The following STK24 variants were observed in gnomAD, a reference collection of about 807,000 sequenced individuals.
STK24 encodes the protein serine/threonine kinase 24, also known as serine/threonine-protein kinase 24.
STK24 carries 21 observed loss-of-function variants against 55.6 expected under a neutral mutation model. The ratio of observed to expected loss-of-function variants is 0.38; its 90% CI spans 0.27 to 0.54. STK24 has a LOEUF of 0.54. Among genes scored for constraint, STK24 ranks in the 20% least tolerant of loss-of-function variants. The pLI is 0.79. For missense variants in STK24, 383 were observed against 538.4 expected (o/e 0.71, Z 2.86); for synonymous variants, 200 against 215.2 (o/e 0.93, Z 0.62).
chr13:98,470,950 T>C (rs1894120712), intron 5 of STK24, among the ~76,000 whole-genome samples: 1 of 152,244 alleles, frequency 6.6e-6, no homozygotes, highest in East Asian at 1.9e-4. Flanking sequence ...GATGCGATCA[T>C]TAGGAACACA....
chr13:98,471,456 T>C (rs891471787), intron 5 of STK24, among the ~76,000 whole-genome samples: 2 of 152,226 alleles, frequency 1.3e-5, no homozygotes, highest in African/African-American at 2.4e-5. Flanking sequence ...TTCTTCGCAG[T>C]GAGCAGAGGT....
At chr13:98,561,490 G>A (rs116414126) in intron 1 of STK24, among the ~76,000 whole-genome samples, 2,426 of 152,206 alleles carry the variant, frequency 0.016, 60 homozygotes, top group African/African-American at 0.054. Flanking sequence ...GCTGAGGCGC[G>A]AGAATCACTT....
intron 2 of STK24, among the ~76,000 whole-genome samples, chr13:98,509,159 G>A (rs1013855502): frequency 1.3e-5 from 2 of 152,114 alleles, no homozygotes; most frequent in Non-Finnish European, 2.9e-5. Context: ...AAACTTCCTA[G>A]GAGATATGAA....
chr13:98,512,353 A>G (rs1423906951), intron 2 of STK24, among the ~76,000 whole-genome samples: 1 of 152,146 alleles, frequency 6.6e-6, no homozygotes, highest in Non-Finnish European at 1.5e-5. Context: ...GAAAAACTCA[A>G]CTCTTACCTG....
intron 2 of STK24, among the ~76,000 whole-genome samples, chr13:98,490,606 G>A (rs973124166): frequency 6.6e-6 from 1 of 152,122 alleles, no homozygotes; most frequent in African/African-American, 2.4e-5. Context: ...AAGCTTCCAC[G>A]TGATGAATGT....
rs113956441 is a variant in STK24 at position 98,546,875 on chromosome 13, C to T, written c.43-27402G>A. On this transcript the variant is annotated intron_variant, in intron 1 of 10. Coordinates refer to ENST00000539966, the MANE Select transcript of STK24 (RefSeq NM_001032296.4). Reference sequence around the variant, plus strand: ...CTCTGAGGCCCTGAACATCTGTGTTCCCCCTTCCTTCCATATCTAATTGTT... The same window carrying T: ...CTCTGAGGCCCTGAACATCTGTGTTTCCCCTTCCTTCCATATCTAATTGTT... Among the ~76,000 whole-genome samples the T allele has an allele frequency of 9.7e-4, 145 of 149,898 alleles. 1 individual carries two copies. Among genetic ancestry groups the T allele is most frequent in the African/African-American group, 3.4e-3 (140 of 40,662 alleles).
rs1460160263 is a variant in STK24, at chr13:98,452,458, G to C, written c.*715C>G. On this transcript the variant is annotated 3_prime_UTR_variant, in exon 11 of 11. Coordinates refer to ENST00000539966, the MANE Select transcript of STK24 (RefSeq NM_001032296.4). ...TCTAGGTGTACCAAAAGGGGCGTAG[G>C]GCAAACGGGGAAAATTTGCATTTGT... 6.6e-6 allele frequency: 1 copy of C among 152,576 alleles called. No individual in the cohort carries two copies. Among genetic ancestry groups the C allele is most frequent in the Non-Finnish European group, 1.5e-5 (1 of 68,042 alleles). The allele number at this position is 152,576 out of a possible 1,614,324, so 9.5% of individuals were successfully genotyped here. A position where few individuals can be genotyped will look rare whatever the true frequency, so the allele number is the denominator to read the frequency against.
chr13:98,453,264 A>G, intron 10 of STK24, 55 bp from the exon 11 acceptor site: 1 of 1,564,972 alleles, frequency 6.4e-7, no homozygotes, highest in African/African-American at 1.4e-5. Flanking sequence ...ATCCCTGTGC[A>G]AAAATTCATA....
At chr13:98,478,850 C>T (rs754695856) in intron 3 of STK24, among the ~76,000 whole-genome samples, 1 of 152,138 alleles carries the variant, frequency 6.6e-6, no homozygotes, top group Non-Finnish European at 1.5e-5. Context: ...GGTCTCAGGC[C>T]CTCTGTGGCT....
At chr13:98,463,901 A>C in intron 6 of STK24, 65 bp from the exon 7 acceptor site, 1 of 1,560,792 alleles carries the variant, frequency 6.4e-7, no homozygotes, top group Non-Finnish European at 8.7e-7. Context: ...CAAAGGACAG[A>C]CTTCTGCCTC....
At position 98,519,282 on chromosome 13, in the gene STK24, G is replaced by A. The variant is rs1367508362; in HGVS notation, c.234C>T (p.Asp78=). The change falls in exon 2 of 11, where the codon GAC becomes GAT. Residue 78 remains aspartate, a synonymous_variant. Coordinates refer to ENST00000539966, the MANE Select transcript of STK24 (RefSeq NM_001032296.4). ...QQEITVLSQC[D]SPYVTKYYGS... ...CATAATATTTGGTTACATATGGACT[G>A]TCACACTGACTCAGCACTGTGATTT... 3.7e-6 allele frequency: 6 copies of A among 1,614,162 alleles called. No homozygotes were observed. In the East Asian group the frequency reaches 1.3e-4, roughly 36 times the overall value.
intron 3 of STK24, among the ~76,000 whole-genome samples, chr13:98,478,650 A>G (rs1894473441): frequency 6.6e-6 from 1 of 152,246 alleles, no homozygotes; most frequent in African/African-American, 2.4e-5. Context: ...AACTTGGCCT[A>G]AACATTAATG....
At chr13:98,499,556 G>A (rs1447577014) in intron 2 of STK24, among the ~76,000 whole-genome samples, 3 of 152,192 alleles carry the variant, frequency 2.0e-5, no homozygotes, top group Admixed American at 1.3e-4. Context: ...TTTCCATGGG[G>A]CATTTCAGGG....
rs1236077968 is a variant in STK24, at chr13:98,456,989, A to T, written c.1259+179T>A. 15 of 766,828 alleles carry T rather than the reference A, an allele frequency of 2.0e-5. No individual in the cohort carries two copies. The South Asian group carries it at 2.9e-4, about 15-fold the overall frequency. The allele number at this position is 766,828 out of a possible 1,614,324, so 47.5% of individuals were successfully genotyped here. On this transcript the variant is annotated intron_variant, in intron 10 of 10. Coordinates refer to ENST00000539966, the MANE Select transcript of STK24 (RefSeq NM_001032296.4). ...AGTAGTTTCCAGATTCAGATCCTTC[A>T]TTCACATTGATTTCTAGAATTCAGA...
chr13:98,561,345 G>A (rs1348089999), intron 1 of STK24, among the ~76,000 whole-genome samples: 1 of 152,156 alleles, frequency 6.6e-6, no homozygotes, highest in African/African-American at 2.4e-5. Flanking sequence ...CACTTTGGGA[G>A]GCTGAGGCAG....
intron 1 of STK24, among the ~76,000 whole-genome samples, chr13:98,538,995 C>T (rs1465719831): frequency 1.3e-5 from 2 of 152,222 alleles, no homozygotes; most frequent in African/African-American, 2.4e-5. Context: ...GAGGGGGACA[C>T]AGAAAGGAAA....
rs1242214552 is a variant in STK24 at position 98,457,177 on chromosome 13, C to T, written c.1250G>A (p.Arg417Gln). ...GGCCCTGGGTAGTTACCTCTGGAGC[C>T]GCTGCACGAGCTGGGCCACCATGGT... ...SDTMVAQLVQ[R>Q]LQRYSLSGGG... Residue 417 changes from arginine (R) to glutamine (Q), a missense_variant, in exon 10 of 11, where the codon CGG becomes CAG. By Grantham distance (43) the Arg-to-Gln change is conservative (BLOSUM62 1). Transcript: ENST00000539966. 16 of 1,610,894 alleles carry T rather than the reference C, an allele frequency of 9.9e-6. No homozygotes were observed. Among genetic ancestry groups the T allele is most frequent in the Non-Finnish European group, 1.2e-5 (14 of 1,179,494 alleles).
intron 6 of STK24, among the ~76,000 whole-genome samples, chr13:98,465,784 A>AAC (rs1209391807): frequency 2.0e-5 from 3 of 152,172 alleles, no homozygotes; most frequent in African/African-American, 4.8e-5. Context: ...CTCCAACACC[A>AAC]ACACACACAC....
At chr13:98,477,697 A>G (rs1181688549) in intron 3 of STK24, among the ~76,000 whole-genome samples, 2 of 150,628 alleles carry the variant, frequency 1.3e-5, no homozygotes, top group Non-Finnish European at 3.0e-5. Context: ...AAAAAGTCAC[A>G]TTAGAGTCGG....
Sources: allele counts gnomAD v4.1 joint callset (sites outside exome capture counted in the v4.1 genomes callset), GRCh38; gene constraint gnomAD v4.1.1; transcripts MANE v1.5; gene names NCBI Gene and HGNC (gene_info 2026-07-23, HGNC 2026-07-21).